The following SNTB2 variants were observed in gnomAD, a reference collection of about 807,000 sequenced individuals.
SNTB2 encodes the protein beta-2-syntrophin.
In SNTB2, 34 loss-of-function variants were observed where a neutral mutation model predicts 46.2. The ratio of observed to expected loss-of-function variants is 0.74; its 90% confidence interval spans 0.56 to 0.98. The LOEUF (loss-of-function observed/expected upper bound fraction) is 0.98, where lower values mean the gene tolerates loss of function less well. Ranked by LOEUF, SNTB2 falls within the 50% of genes least tolerant of loss-of-function variation. SNTB2 has a pLI of 0.00. For missense variants in SNTB2, 603 were observed against 731.4 expected (o/e 0.82, Z 2.02); for synonymous variants, 290 against 312.6 (o/e 0.93, Z 0.76).
chr16:69,285,321 G>GT (rs1428926306), intron 5 of SNTB2, among the ~76,000 whole-genome samples: 1 of 148,730 alleles, frequency 6.7e-6, no homozygotes, highest in Non-Finnish European at 1.5e-5. Context: ...TTATAATACC[G>GT]TATGTACAAC....
At chr16:69,299,528 C>A in intron 5 of SNTB2, 62 bp from the exon 6 acceptor site, 1 of 1,516,736 alleles carries the variant, frequency 6.6e-7, no homozygotes, top group South Asian at 1.2e-5. Context: ...AGAAGATTCC[C>A]TTTTCACTTG....
Position 69,187,752 on chromosome 16 carries a change from CG to C in SNTB2, c.580+10del. 8.0e-6 allele frequency: 2 copies of C among 249,170 alleles called. No individual in the cohort carries two copies. Among genetic ancestry groups the C allele is most frequent in the Non-Finnish European group, 1.4e-5 (2 of 143,448 alleles). 15.4% of individuals were successfully genotyped at this position (249,170 alleles called of 1,614,324 possible). A position where few individuals can be genotyped will look rare whatever the true frequency, so the allele number is the denominator to read the frequency against. On this transcript the variant is annotated splice_region_variant and intron_variant, in intron 1 of 6. Transcript: ENST00000336278. ...CAAGGAGGTGCTGCTGGAGGGTGAG[CG>C]GGGCCGGGCGGGAGGGTGGGCAGGC... is the stretch of plus-strand genomic sequence containing the variant.
intron 1 of SNTB2, among the ~76,000 whole-genome samples, chr16:69,219,876 G>A (rs1285100350): frequency 1.3e-5 from 2 of 151,648 alleles, no homozygotes; most frequent in African/African-American, 4.8e-5. Flanking sequence ...TCAGCCTCTC[G>A]AGTAACTGGG....
At chr16:69,216,523 T>TA (rs113736779) in intron 1 of SNTB2, among the ~76,000 whole-genome samples, 3,106 of 140,064 alleles carry the variant, frequency 0.022, 26 homozygotes, top group Non-Finnish European at 0.028. Flanking sequence ...CCTCTACAAT[T>TA]AAAAAAAAAA....
At chr16:69,292,387 ATATTATATATATATATATAT>A (rs1965173585) in intron 5 of SNTB2, among the ~76,000 whole-genome samples, 1 of 13,786 alleles carries the variant, frequency 7.3e-5, no homozygotes, top group African/African-American at 3.7e-4. Context: ...TATTATATAT[ATATTATATATATATATATAT>A]TATATATATA....
intron 1 of SNTB2, among the ~76,000 whole-genome samples, chr16:69,201,496 T>C (rs1964161105): frequency 6.6e-6 from 1 of 152,198 alleles, no homozygotes; most frequent in African/African-American, 2.4e-5. Flanking sequence ...CTTAGTAAGG[T>C]ATTTTATCCA....
chr16:69,294,019 TTTTG>T (rs926510391), intron 5 of SNTB2, among the ~76,000 whole-genome samples: 38 of 152,160 alleles, frequency 2.5e-4, no homozygotes, highest in African/African-American at 8.7e-4. Flanking sequence ...ATTTTATGTT[TTTTG>T]TTTGTTTGTT....
intron 1 of SNTB2, among the ~76,000 whole-genome samples, chr16:69,205,361 GT>G (rs1316627813): frequency 6.8e-6 from 1 of 146,156 alleles, no homozygotes; most frequent in African/African-American, 2.5e-5. Context: ...AAGTTTTAGG[GT>G]ACATGTGCAC....
At chr16:69,289,717 C>G (rs982894534) in intron 5 of SNTB2, among the ~76,000 whole-genome samples, 7 of 152,194 alleles carry the variant, frequency 4.6e-5, no homozygotes, top group African/African-American at 1.7e-4. Context: ...AGGTGGATCA[C>G]TTGAGCTCAG....
chr16:69,253,429 C>CACG (rs1470589255), intron 2 of SNTB2, among the ~76,000 whole-genome samples: 1 of 151,310 alleles, frequency 6.6e-6, no homozygotes, highest in Non-Finnish European at 1.5e-5. Context: ...GCGGGTGGAT[C>CACG]ACGAGGTCAG....
rs543038294 is a variant in SNTB2, at chr16:69,282,322, G to A, written c.1149-1726G>A. ...CTAAAAATACAAAAAAAAAAAAAGC[G>A]CTGGAATTACAGACATGAGACACCA... On this transcript the variant is annotated intron_variant, in intron 4 of 6. Coordinates refer to ENST00000336278, the MANE Select transcript of SNTB2 (RefSeq NM_006750.4). Among the ~76,000 whole-genome samples, 221 of 149,732 alleles carry A rather than the reference G, an allele frequency of 1.5e-3. 3 individuals carry two copies. Among genetic ancestry groups the A allele is most frequent in the African/African-American group, 5.0e-3 (205 of 40,796 alleles).
chr16:69,219,135 T>C (rs573759471), intron 1 of SNTB2, among the ~76,000 whole-genome samples: 1 of 152,346 alleles, frequency 6.6e-6, no homozygotes, highest in African/African-American at 2.4e-5. Flanking sequence ...AAGTGTCTAA[T>C]ACATACTTGT....
chr16:69,272,838 T>C lies in SNTB2; in HGVS notation c.1148+2553T>C, dbSNP rs547565934. Among the ~76,000 whole-genome samples, 168 of 142,582 alleles carry C rather than the reference T, an allele frequency of 1.2e-3. 1 individual carries two copies. Among genetic ancestry groups the C allele is most frequent in the African/African-American group, 4.3e-3 (161 of 37,534 alleles). The allele number at this position is 142,582 out of a possible 152,430, so 93.5% of individuals were successfully genotyped here. A position where few individuals can be genotyped will look rare whatever the true frequency, so the allele number is the denominator to read the frequency against. On this transcript the variant is annotated intron_variant, in intron 4 of 6. Coordinates refer to ENST00000336278, the MANE Select transcript of SNTB2 (RefSeq NM_006750.4). ...CCCAGAGATGGAGGTTGCAGTGAAC[T>C]GATATCTCACCACTGCACTCCAGCC...
chr16:69,193,237 G>GA (rs961713669), intron 1 of SNTB2, among the ~76,000 whole-genome samples: 54 of 74,148 alleles, frequency 7.3e-4, no homozygotes, highest in Admixed American at 1.1e-3. Flanking sequence ...TTTTAAAAAT[G>GA]AAAAAAAAAA....
At chr16:69,242,793 G>C (rs543963791) in intron 1 of SNTB2, among the ~76,000 whole-genome samples, 1 of 152,140 alleles carries the variant, frequency 6.6e-6, no homozygotes, top group African/African-American at 2.4e-5. Flanking sequence ...AGGCCAAGGC[G>C]GGTGGATCAC....
Position 69,187,357 on chromosome 16 carries a change from G to A in SNTB2, c.191G>A (p.Gly64Glu). The A allele has an allele frequency of 7.1e-7, 1 of 1,403,708 alleles. No individual in the cohort carries two copies. The highest frequency in any genetic ancestry group is 3.1e-5 in the East Asian group (1 of 32,770). The allele number at this position is 1,403,708 out of a possible 1,614,324, so 87.0% of individuals were successfully genotyped here. ...AAAAELEPAL[G>E]PAAAAFNGLP... is the part of the protein sequence containing the mutation. ...GCGGCCGAGCTGGAGCCCGCTCTGGGACCCGCGGCCGCCGCCTTCAACGGC... is the reference window on the plus strand; with the variant it reads ...GCGGCCGAGCTGGAGCCCGCTCTGGAACCCGCGGCCGCCGCCTTCAACGGC... Residue 64 changes from glycine to glutamate, a missense_variant, in exon 1 of 7, where the codon GGA becomes GAA. By Grantham distance (98) the Gly-to-Glu change is moderately conservative (BLOSUM62 -2). Around this residue, in one of 2 missense-constraint regions of SNTB2, gnomAD observed 537 missense variants for 692.4 expected, o/e 0.78. Transcript: ENST00000336278.
intron 1 of SNTB2, chr16:69,235,976 G>A (rs1293036626): frequency 2.7e-6 from 2 of 734,182 alleles, no homozygotes; most frequent in Non-Finnish European, 3.7e-6. Context: ...AGGATTAATA[G>A]AGGTGGAATT....
rs1964984739 is a variant in SNTB2 at position 69,276,312 on chromosome 16, G to A, written c.1148+6027G>A. ...AAAATGCCTTTGCATGAACTCATCTGGCCTCTCCACAAAAGGGGGGCCTTT... is the reference window on the plus strand; with the variant it reads ...AAAATGCCTTTGCATGAACTCATCTAGCCTCTCCACAAAAGGGGGGCCTTT... On this transcript the variant is annotated intron_variant, in intron 4 of 6. Transcript: ENST00000336278. Among the ~76,000 whole-genome samples, 5 of 152,140 alleles carry A rather than the reference G, an allele frequency of 3.3e-5. No homozygotes were observed. In the South Asian group the frequency reaches 1.0e-3, roughly 32 times the overall value.
chr16:69,296,588 G>A lies in SNTB2; in HGVS notation c.1346-3002G>A, dbSNP rs553347933. ...ATACAAAAAATCAGCCAGGCCTGGTGGCACATGCCTGTAATCCCAGCTACT... is the reference window on the plus strand; with the variant it reads ...ATACAAAAAATCAGCCAGGCCTGGTAGCACATGCCTGTAATCCCAGCTACT... On this transcript the variant is annotated intron_variant, in intron 5 of 6. Coordinates refer to ENST00000336278, the MANE Select transcript of SNTB2 (RefSeq NM_006750.4). Among the ~76,000 whole-genome samples, 24 of 151,200 alleles carry A rather than the reference G, an allele frequency of 1.6e-4. No individual in the cohort carries two copies. In the South Asian group the frequency reaches 4.6e-3, roughly 29 times the overall value.
Sources: gnomAD v4.1 joint callset for allele counts (sites outside exome capture counted in the v4.1 genomes callset) on GRCh38, gnomAD v4.1.1 for gene constraint, gnomAD v4.1.1 regional missense constraint, MANE v1.5 for transcripts, NCBI Gene and HGNC (gene_info 2026-07-23, HGNC 2026-07-21) for gene names.